RANBP2: variants seen among roughly 807,000 people sequenced by gnomAD.
RANBP2 encodes the protein RAN binding protein 2, also known as E3 SUMO-protein ligase RanBP2.
A neutral mutation model predicts 303.6 loss-of-function variants in RANBP2; 57 were observed. The ratio of observed to expected loss-of-function variants is 0.19; its 90% CI spans 0.15 to 0.23. The LOEUF is 0.23. Ranked by LOEUF, RANBP2 falls within the 10% of genes least tolerant of loss-of-function variation. RANBP2 has a pLI of 1.00. For synonymous variants in RANBP2, 1,167 were observed against 1,301.5 expected (o/e 0.90, Z 2.23); for missense variants, 3,138 against 3,780.8 (o/e 0.83, Z 4.46).
At chr2:108,795,470 T>G in the RANBP2 span, among the ~76,000 whole-genome samples, 2 of 152,138 alleles carry the variant, frequency 1.3e-5, no homozygotes, top group Admixed American at 6.5e-5. Flanking sequence ...AGAGTATAAT[T>G]TATATATTAA....
At chr2:108,742,008 CT>C (rs2149169941) in intron 7 of RANBP2, among the ~76,000 whole-genome samples, 1 of 151,266 alleles carries the variant, frequency 6.6e-6, no homozygotes, top group Non-Finnish European at 1.5e-5. Context: ...ATCTTTTTTT[CT>C]TTTTGAGACG....
the RANBP2 span, among the ~76,000 whole-genome samples, chr2:109,661,938 GTT>G: frequency 6.6e-6 from 1 of 152,124 alleles, no homozygotes; most frequent in East Asian, 1.9e-4. Flanking sequence ...CTTCCAGTAA[GTT>G]TTTGGTGGTG....
the RANBP2 span, among the ~76,000 whole-genome samples, chr2:109,550,294 A>G: frequency 6.6e-6 from 1 of 151,668 alleles, no homozygotes; most frequent in African/African-American, 2.4e-5. Context: ...CAGTCTCAAA[A>G]AACAAAAAAA....
chr2:109,638,142 G>A, the RANBP2 span, among the ~76,000 whole-genome samples: 1 of 152,166 alleles, frequency 6.6e-6, no homozygotes, highest in Non-Finnish European at 1.5e-5. Flanking sequence ...GATAGAGGAG[G>A]ATAAAGTAAA....
At chr2:109,250,288 C>T in the RANBP2 span, among the ~76,000 whole-genome samples, 403 of 152,042 alleles carry the variant, frequency 2.7e-3, 2 homozygotes, top group African/African-American at 9.3e-3. Context: ...GAAGACATCT[C>T]GCCCATTGCT....
the RANBP2 span, among the ~76,000 whole-genome samples, chr2:109,581,701 A>G: frequency 6.6e-6 from 1 of 152,170 alleles, no homozygotes; most frequent in South Asian, 2.1e-4. Context: ...CCAACAAATA[A>G]GTTAATGAGA....
rs1677568477 is a variant in RANBP2 at position 108,772,376 on chromosome 2, T to G, written c.8021-113T>G. ...AAAGAGAGGTATTAAAGATATAAAA[T>G]TGGCTGCAATTCAGATGTGGAGAGT... On this transcript the variant is annotated intron_variant, in intron 21 of 28. Coordinates refer to ENST00000283195, the MANE Select transcript of RANBP2 (RefSeq NM_006267.5). 9.2e-6 allele frequency: 7 copies of G among 757,412 alleles called. No homozygotes were observed. The South Asian group carries it at 1.1e-4, about 12-fold the overall frequency. The allele number at this position is 757,412 out of a possible 1,614,324, so 46.9% of individuals were successfully genotyped here. A position where few individuals can be genotyped will look rare whatever the true frequency, so the allele number is the denominator to read the frequency against.
the RANBP2 span, among the ~76,000 whole-genome samples, chr2:109,734,070 T>C: frequency 5.3e-5 from 8 of 151,142 alleles, no homozygotes; most frequent in Non-Finnish European, 1.2e-4. Context: ...TCCCAGCTAC[T>C]TGGGAGGCTG....
chr2:109,290,673 G>A, the RANBP2 span, among the ~76,000 whole-genome samples: 5 of 152,128 alleles, frequency 3.3e-5, no homozygotes, highest in Non-Finnish European at 7.4e-5. Context: ...ATGGTCTTTG[G>A]GAGCAAGGAT....
At chr2:108,830,281 A>C in the RANBP2 span, among the ~76,000 whole-genome samples, 1 of 152,230 alleles carries the variant, frequency 6.6e-6, no homozygotes, top group Non-Finnish European at 1.5e-5. Flanking sequence ...TTATTATTTA[A>C]TGGATACAGA....
the RANBP2 span, among the ~76,000 whole-genome samples, chr2:109,467,140 C>T: frequency 6.6e-6 from 1 of 152,220 alleles, no homozygotes; most frequent in South Asian, 2.1e-4. Context: ...CCATTCCACT[C>T]CTAGGAGAAG....
chr2:109,507,657 G>A, the RANBP2 span, among the ~76,000 whole-genome samples: 1 of 152,154 alleles, frequency 6.6e-6, no homozygotes, highest in African/African-American at 2.4e-5. Context: ...GCCACACCAG[G>A]GTCAGCTGGT....
At chr2:109,645,838 T>C in the RANBP2 span, among the ~76,000 whole-genome samples, 1 of 152,194 alleles carries the variant, frequency 6.6e-6, no homozygotes, top group Non-Finnish European at 1.5e-5. Context: ...GTGTTCATTG[T>C]AATTATTTGA....
the RANBP2 span, chr2:108,815,803 T>G: frequency 1.4e-6 from 1 of 706,822 alleles, no homozygotes; most frequent in South Asian, 2.1e-5. Context: ...TTTGTTTGTT[T>G]GGAGAAGCTC....
chr2:109,393,102 A>G, the RANBP2 span, among the ~76,000 whole-genome samples: 1 of 152,186 alleles, frequency 6.6e-6, no homozygotes, highest in Admixed American at 6.5e-5. Context: ...ATGTCTCCCA[A>G]CAAAAGCTTC....
chr2:109,034,448 G>A, the RANBP2 span, among the ~76,000 whole-genome samples: 1,044 of 152,272 alleles, frequency 6.9e-3, 14 homozygotes, highest in African/African-American at 0.024. Flanking sequence ...ACAGGGAAGT[G>A]AGGAACGTGG....
the RANBP2 span, among the ~76,000 whole-genome samples, chr2:109,579,964 T>C: frequency 1.3e-5 from 2 of 151,302 alleles, no homozygotes; most frequent in Admixed American, 1.3e-4. Flanking sequence ...CTACTAAAAA[T>C]ACAAAAATTA....
the RANBP2 span, among the ~76,000 whole-genome samples, chr2:109,239,197 C>A: frequency 6.6e-6 from 1 of 152,096 alleles, no homozygotes; most frequent in Non-Finnish European, 1.5e-5. Flanking sequence ...GAGCCCTGCA[C>A]AGTGCTCCGA....
At chr2:109,123,685 A>G in the RANBP2 span, among the ~76,000 whole-genome samples, 1 of 152,208 alleles carries the variant, frequency 6.6e-6, no homozygotes, top group East Asian at 1.9e-4. Flanking sequence ...TCACTTGTGA[A>G]ATGGAGGTAC....
Sources: gnomAD v4.1 joint callset for allele counts (sites outside exome capture counted in the v4.1 genomes callset) on GRCh38, gnomAD v4.1.1 for gene constraint, MANE v1.5 for transcripts, NCBI Gene and HGNC (gene_info 2026-07-23, HGNC 2026-07-21) for gene names.